The following UBR3 variants were observed in gnomAD, a reference collection of about 807,000 sequenced individuals.
The protein encoded by UBR3 is ubiquitin protein ligase E3 component n-recognin 3, also known as E3 ubiquitin-protein ligase UBR3.
In UBR3, 85 loss-of-function variants were observed where a neutral mutation model predicts 243.2. That is an observed-to-expected ratio of 0.35 (90% CI 0.29 to 0.42). The LOEUF (loss-of-function observed/expected upper bound fraction) is 0.42, where lower values mean the gene tolerates loss of function less well. Ranked by LOEUF, UBR3 falls within the 10% of genes least tolerant of loss-of-function variation. The pLI, the probability that UBR3 is intolerant of heterozygous loss-of-function variation, is 1.00. For synonymous variants in UBR3, 748 were observed against 799.8 expected, an observed-to-expected ratio of 0.94 and a Z score of 1.09; for missense variants, 1,686 against 2,300.8, an observed-to-expected ratio of 0.73 and a Z score of 5.47.
intron 33 of UBR3, among the ~76,000 whole-genome samples, chr2:170,058,725 A>G (rs2091395237): frequency 6.6e-6 from 1 of 152,032 alleles, no homozygotes; most frequent in South Asian, 2.1e-4. Context: ...TGTGTTGCCC[A>G]GGCTGGTCTT....
intron 3 of UBR3, among the ~76,000 whole-genome samples, chr2:169,877,215 C>G (rs1289175633): frequency 1.3e-5 from 2 of 152,174 alleles, no homozygotes; most frequent in African/African-American, 4.8e-5. Context: ...AAGTTCGGAT[C>G]ATGTCTTATT....
Position 169,895,254 on chromosome 2 carries a change from A to G in UBR3, c.1179A>G (p.Glu393=), listed in dbSNP as rs1476435906. The change falls in exon 7 of 39, where the codon GAA becomes GAG. Residue 393 remains glutamate (E), a synonymous_variant. Transcript: ENST00000272793. Reference sequence around the variant, plus strand: ...TATTATTTTGGACTATAAAATATGAATTCCCTCAAAAGATGGTAACTTTCT... The same window carrying G: ...TATTATTTTGGACTATAAAATATGAGTTCCCTCAAAAGATGGTAACTTTCT... ...EELLFWTIKY[E]FPQKMVTFLL... 2.6e-6 allele frequency: 4 copies of G among 1,546,104 alleles called. No individual in the cohort carries two copies. Among genetic ancestry groups the G allele is most frequent in the African/African-American group, 1.4e-5 (1 of 72,782 alleles).
intron 37 of UBR3, chr2:170,080,226 A>G (rs1361162173): frequency 1.7e-6 from 1 of 600,306 alleles, no homozygotes; most frequent in Non-Finnish European, 2.8e-6. Context: ...CTTAAGTACA[A>G]TTCTAGTTCT....
chr2:169,827,986 A>T lies in UBR3; in HGVS notation c.479A>T (p.Asn160Ile). 1 of 1,441,280 alleles carries T rather than the reference A, an allele frequency of 6.9e-7. No individual in the cohort carries two copies. Among genetic ancestry groups the T allele is most frequent in the Non-Finnish European group, 9.2e-7 (1 of 1,090,888 alleles). The allele number at this position is 1,441,280 out of a possible 1,614,324, so 89.3% of individuals were successfully genotyped here. ...HQGDHTGHDF[N>I]MFRSQAGGAC... ...GGCGACCACACCGGACACGACTTCAACATGTTCCGCAGCCAGGCCGGGGGC... is the reference window on the plus strand; with the variant it reads ...GGCGACCACACCGGACACGACTTCATCATGTTCCGCAGCCAGGCCGGGGGC... Residue 160 changes from asparagine (N) to isoleucine (I), a missense_variant, in exon 1 of 39, where the codon AAC becomes ATC. This residue lies in a region of UBR3 where 145 missense variants were observed against 243.8 expected (regional missense o/e 0.59). Coordinates refer to ENST00000272793, the MANE Select transcript of UBR3 (RefSeq NM_172070.4).
intron 3 of UBR3, among the ~76,000 whole-genome samples, chr2:169,876,528 TC>T (rs2083616791): frequency 1.1e-5 from 1 of 87,428 alleles, no homozygotes; most frequent in African/African-American, 4.0e-5. Flanking sequence ...GCTCTGCCTC[TC>T]TTTATTGTAT....
intron 8 of UBR3, among the ~76,000 whole-genome samples, chr2:169,903,442 C>T (rs2084903539): frequency 6.6e-6 from 1 of 152,124 alleles, no homozygotes; most frequent in African/African-American, 2.4e-5. Flanking sequence ...TCAGTCATGG[C>T]CAGGGGTTAG....
chr2:169,853,293 G>C (rs552741017), intron 1 of UBR3, among the ~76,000 whole-genome samples: 2 of 152,144 alleles, frequency 1.3e-5, no homozygotes, highest in Non-Finnish European at 2.9e-5. Context: ...GTAATGACTG[G>C]TTTATCTTTT....
chr2:169,918,910 A>G (rs1295556441), intron 11 of UBR3, among the ~76,000 whole-genome samples: 3 of 152,188 alleles, frequency 2.0e-5, no homozygotes, highest in Non-Finnish European at 4.4e-5. Flanking sequence ...GAAAACAAGT[A>G]TATGGTTAAT....
At chr2:169,958,843 G>T (rs1458828386) in intron 24 of UBR3, among the ~76,000 whole-genome samples, 1 of 152,104 alleles carries the variant, frequency 6.6e-6, no homozygotes, top group Non-Finnish European at 1.5e-5. Context: ...ATCTTTTTCT[G>T]TGAAATTATC....
intron 23 of UBR3, among the ~76,000 whole-genome samples, chr2:169,953,234 A>C (rs1372646800): frequency 6.6e-6 from 1 of 152,182 alleles, no homozygotes; most frequent in African/African-American, 2.4e-5. Flanking sequence ...CTTGAAACTA[A>C]TTTTGTAGCA....
At chr2:169,835,993 GTCTCTCTC>G (rs577838877) in intron 1 of UBR3, among the ~76,000 whole-genome samples, 1,934 of 30,322 alleles carry the variant, frequency 0.064, 44 homozygotes, top group Non-Finnish European at 0.07. Context: ...TGTGTGCACT[GTCTCTCTC>G]TCTCTCTCTC....
chr2:169,978,171 C>T (rs867269171), intron 24 of UBR3, among the ~76,000 whole-genome samples: 17 of 152,046 alleles, frequency 1.1e-4, no homozygotes, highest in Admixed American at 4.6e-4. Flanking sequence ...TTTTGGGCTC[C>T]GCCTATTCTC....
At chr2:169,958,805 A>T (rs1051722173) in intron 24 of UBR3, among the ~76,000 whole-genome samples, 1 of 152,158 alleles carries the variant, frequency 6.6e-6, no homozygotes, top group African/African-American at 2.4e-5. Flanking sequence ...GATTTGTGAG[A>T]TCCATCAATG....
intron 5 of UBR3, among the ~76,000 whole-genome samples, chr2:169,879,369 A>C (rs2083736350): frequency 6.6e-6 from 1 of 152,110 alleles, no homozygotes; most frequent in Non-Finnish European, 1.5e-5. Flanking sequence ...AAGTCTTGTA[A>C]TTGATTTAAT....
At chr2:170,050,154 T>A (rs1418150136) in intron 32 of UBR3, among the ~76,000 whole-genome samples, 2 of 152,176 alleles carry the variant, frequency 1.3e-5, no homozygotes. Context: ...GAAGTCTTTT[T>A]AAACCGTTTG....
chr2:170,043,129 T>C (rs2091008255), intron 32 of UBR3, among the ~76,000 whole-genome samples: 1 of 152,176 alleles, frequency 6.6e-6, no homozygotes, highest in Admixed American at 6.6e-5. Context: ...GTGTGTTAAA[T>C]ATACCTTTTA....
At chr2:169,858,892 G>T (rs985921112) in intron 1 of UBR3, among the ~76,000 whole-genome samples, 4 of 152,018 alleles carry the variant, frequency 2.6e-5, no homozygotes, top group African/African-American at 9.7e-5. Context: ...GAGGCATTGT[G>T]CCCGGCCTCA....
At chr2:169,864,739 T>TA (rs971623402) in intron 1 of UBR3, among the ~76,000 whole-genome samples, 2 of 150,960 alleles carry the variant, frequency 1.3e-5, no homozygotes, top group African/African-American at 2.4e-5. Flanking sequence ...CCGTCTCTAC[T>TA]AAAAAAAATA....
At chr2:169,834,011 C>T (rs2082013589) in intron 1 of UBR3, among the ~76,000 whole-genome samples, 1 of 152,146 alleles carries the variant, frequency 6.6e-6, no homozygotes, top group African/African-American at 2.4e-5. Context: ...TGGTCTTGAA[C>T]TCCTGGCTTC....
Sources: gnomAD v4.1 joint callset for allele counts (sites outside exome capture counted in the v4.1 genomes callset) on GRCh38, gnomAD v4.1.1 for gene constraint, gnomAD v4.1.1 regional missense constraint, MANE v1.5 for transcripts, NCBI Gene and HGNC (gene_info 2026-07-23, HGNC 2026-07-21) for gene names.